Variants in NREP observed in about 807,000 individuals in gnomAD.
NREP encodes the protein neuronal regeneration related protein.
In NREP, 5 loss-of-function variants were observed where a neutral mutation model predicts 8.6. The ratio of observed to expected loss-of-function variants is 0.58; its 90% CI spans 0.30 to 1.22. The LOEUF is 1.22. NREP is among the 50% of genes most tolerant of loss of function. The pLI, the probability that NREP is intolerant of heterozygous loss-of-function variation, is 0.07. For missense variants in NREP, 86 were observed against 82.5 expected (o/e 1.04, Z -0.17); for synonymous variants, 27 against 28.0 (o/e 0.96, Z 0.11).
At chr5:111,900,611 C>T (rs1289937056) in intron 2 of NREP, among the ~76,000 whole-genome samples, 2 of 151,976 alleles carry the variant, frequency 1.3e-5, no homozygotes, top group Non-Finnish European at 2.9e-5. Context: ...TACAAAAGAT[C>T]ACCAGGGACT....
At position 111,976,281 on chromosome 5, in the gene NREP, G is replaced by A. The variant is rs143998511; in HGVS notation, c.30+429C>T. ...TAGAAAAACTAATATTTGTTCTATG[G>A]CATCTCTGACATTTTAAGAGGTATA... On this transcript the variant is annotated intron_variant, in intron 1 of 3. Coordinates refer to the NREP transcript ENST00000395634. Among the ~76,000 whole-genome samples, 363 of 152,276 alleles carry A rather than the reference G, an allele frequency of 2.4e-3. 3 individuals carry two copies. The highest frequency in any genetic ancestry group is 8.2e-3 in the African/African-American group (339 of 41,548).
At chr5:111,896,151 C>G (rs1188731552) in intron 2 of NREP, among the ~76,000 whole-genome samples, 1 of 152,070 alleles carries the variant, frequency 6.6e-6, no homozygotes, top group East Asian at 1.9e-4. Context: ...TGAGAGGAAG[C>G]ACAGAGATTG....
chr5:111,849,670 T>G (rs954554048), intron 2 of NREP, among the ~76,000 whole-genome samples: 3 of 152,132 alleles, frequency 2.0e-5, no homozygotes, highest in African/African-American at 7.2e-5. Flanking sequence ...TGAAGACTGT[T>G]AGTGGTCCTT....
rs373075824 is a variant in NREP, at chr5:111,755,398, G to A, written c.3+372C>T. ...AGACTCCTCAGTTTTGGGTAACTTC[G>A]GCCTAGCTCTAAGACCCAAGGCTTT... On this transcript the variant is annotated intron_variant, in intron 2 of 3. Coordinates refer to ENST00000257435, the MANE Select transcript of NREP (RefSeq NM_004772.4). 3.6e-4 allele frequency: 82 copies of A among 227,896 alleles called. 2 individuals carry two copies. The East Asian group carries it at 6.7e-3, about 19-fold the overall frequency. 14.1% of individuals were successfully genotyped at this position (227,896 alleles called of 1,614,324 possible).
At chr5:111,944,541 C>A (rs1410934640) in intron 2 of NREP, among the ~76,000 whole-genome samples, 2 of 152,100 alleles carry the variant, frequency 1.3e-5, no homozygotes, top group Non-Finnish European at 2.9e-5. Context: ...CTCCTGAGCT[C>A]AAGCAGTCCA....
At chr5:111,939,061 TG>T (rs1755759379) in intron 2 of NREP, among the ~76,000 whole-genome samples, 2 of 152,018 alleles carry the variant, frequency 1.3e-5, no homozygotes, top group African/African-American at 4.8e-5. Flanking sequence ...ATAGATTTTT[TG>T]TTGCTGTTAA....
At chr5:111,830,107 CA>C (rs1752728311) in intron 2 of NREP, among the ~76,000 whole-genome samples, 2 of 152,252 alleles carry the variant, frequency 1.3e-5, no homozygotes, top group Admixed American at 6.5e-5. Flanking sequence ...AAATGTGGCC[CA>C]ACACAACTTT....
At chr5:111,895,998 AAG>A (rs1392899781) in intron 2 of NREP, among the ~76,000 whole-genome samples, 1 of 152,182 alleles carries the variant, frequency 6.6e-6, no homozygotes, top group Non-Finnish European at 1.5e-5. Context: ...GCTCATGGTA[AAG>A]AGTTTGGATT....
At chr5:111,815,731 C>T (rs896282151) in intron 2 of NREP, among the ~76,000 whole-genome samples, 4 of 151,856 alleles carry the variant, frequency 2.6e-5, no homozygotes, top group South Asian at 2.1e-4. Context: ...GAAAAAGAAA[C>T]GGAAAATACA....
intron 2 of NREP, among the ~76,000 whole-genome samples, chr5:111,772,938 T>G (rs909566681): frequency 6.6e-6 from 1 of 151,478 alleles, no homozygotes; most frequent in Admixed American, 6.6e-5. Context: ...AATAGCAAAA[T>G]GATGATATTC....
At chr5:111,852,560 A>G (rs984372656) in intron 2 of NREP, among the ~76,000 whole-genome samples, 1 of 152,190 alleles carries the variant, frequency 6.6e-6, no homozygotes, top group Non-Finnish European at 1.5e-5. Context: ...TATTATGAGC[A>G]AAGCATGCTA....
At chr5:111,908,687 C>T (rs748547379) in intron 2 of NREP, among the ~76,000 whole-genome samples, 1 of 151,970 alleles carries the variant, frequency 6.6e-6, no homozygotes, top group Non-Finnish European at 1.5e-5. Flanking sequence ...TGATGGGCAC[C>T]TTGGTTGACT....
chr5:111,790,704 G>A (rs979529823), intron 2 of NREP, among the ~76,000 whole-genome samples: 2 of 152,152 alleles, frequency 1.3e-5, no homozygotes, highest in African/African-American at 4.8e-5. Context: ...TTATGGTAGA[G>A]CCATATATTG....
In NREP at chr5:111,798,736, T is replaced by G. The variant is rs59288363; in HGVS notation, c.136-63229A>C. Among the ~76,000 whole-genome samples, 17 of 7,294 alleles carry G rather than the reference T, an allele frequency of 2.3e-3. No homozygotes were observed. In the East Asian group the frequency reaches 0.057, roughly 24 times the overall value. The allele number at this position is 7,294 out of a possible 152,430, so 4.8% of individuals were successfully genotyped here. ...TTTATGGCTGAGTAGTATTCCATGG[T>G]GTGTGTGTGTGTGTGTGTGTGTGTG... On this transcript the variant is annotated intron_variant, in intron 2 of 3. Transcript: ENST00000395634.
At chr5:111,893,606 A>G (rs1255236409) in intron 2 of NREP, among the ~76,000 whole-genome samples, 2 of 151,034 alleles carry the variant, frequency 1.3e-5, no homozygotes, top group African/African-American at 4.8e-5. Flanking sequence ...AAATACATCT[A>G]TCTTAAGGGT....
chr5:111,791,633 ATGCCCACC>A (rs1443976902), intron 2 of NREP, among the ~76,000 whole-genome samples: 1 of 152,060 alleles, frequency 6.6e-6, no homozygotes, highest in Admixed American at 6.6e-5. Context: ...GTGTGCCACC[ATGCCCACC>A]TGGCTAATTT....
chr5:111,859,155 A>G (rs1036985627), intron 2 of NREP, among the ~76,000 whole-genome samples: 1 of 152,108 alleles, frequency 6.6e-6, no homozygotes, highest in Non-Finnish European at 1.5e-5. Flanking sequence ...CAGTACTTCA[A>G]ATTATAGCTT....
chr5:111,822,553 T>C (rs1032116477), intron 2 of NREP, among the ~76,000 whole-genome samples: 2 of 152,212 alleles, frequency 1.3e-5, no homozygotes, highest in Non-Finnish European at 2.9e-5. Flanking sequence ...CACAGCTTCA[T>C]CTCTGTTCCT....
chr5:111,951,493 T>C (rs530510028), intron 2 of NREP, among the ~76,000 whole-genome samples: 1 of 152,234 alleles, frequency 6.6e-6, no homozygotes, highest in Admixed American at 6.5e-5. Flanking sequence ...CATACTACTG[T>C]GGCAGAGTTG....
Sources: gnomAD v4.1 joint callset for allele counts (sites outside exome capture counted in the v4.1 genomes callset) on GRCh38, gnomAD v4.1.1 for gene constraint, MANE v1.5 for transcripts, NCBI Gene and HGNC (gene_info 2026-07-23, HGNC 2026-07-21) for gene names.